MEMO1: variants seen among roughly 807,000 people sequenced by gnomAD.
MEMO1 encodes mediator of cell motility 1.
Under a neutral mutation model 45.2 loss-of-function variants are expected in MEMO1, and 6 were observed. The observed-to-expected ratio is 0.13, with a 90% CI of 0.07 to 0.26. MEMO1 has a LOEUF of 0.26. Ranked by LOEUF, MEMO1 falls within the 10% of genes least tolerant of loss-of-function variation. The probability of loss-of-function intolerance (pLI) is 1.00; values close to 1 mark genes in which losing one functional copy is unlikely to be tolerated. For synonymous variants in MEMO1, 78 were observed against 124.3 expected, an observed-to-expected ratio of 0.63 and a Z score of 2.48; for missense variants, 184 against 370.5, an observed-to-expected ratio of 0.50 and a Z score of 4.13.
intron 2 of MEMO1, among the ~76,000 whole-genome samples, chr2:32,004,108 G>C (rs1345257806): frequency 2.6e-5 from 4 of 152,218 alleles, no homozygotes; most frequent in African/African-American, 9.6e-5. Context: ...TTGAGCCCAA[G>C]AGTTAGAGGC....
intron 2 of MEMO1, chr2:31,963,098 A>G (rs954919768): frequency 2.1e-6 from 3 of 1,411,520 alleles, no homozygotes; most frequent in Non-Finnish European, 2.8e-6. Context: ...GAGTCAACCA[A>G]CCCATCCTCA....
chr2:32,000,695 T>C (rs892184709), intron 2 of MEMO1, among the ~76,000 whole-genome samples: 9 of 152,136 alleles, frequency 5.9e-5, no homozygotes, highest in Non-Finnish European at 1.0e-4. Context: ...CTATTTAATA[T>C]TGCAGCCTGG....
At chr2:31,962,987 G>A (rs1668201105) in intron 2 of MEMO1, among the ~76,000 whole-genome samples, 1 of 152,222 alleles carries the variant, frequency 6.6e-6, no homozygotes, top group Non-Finnish European at 1.5e-5. Flanking sequence ...CCTCCCCCAA[G>A]TAAGACAGAA....
intron 2 of MEMO1, among the ~76,000 whole-genome samples, chr2:31,975,363 C>T (rs1669888249): frequency 6.6e-6 from 1 of 152,150 alleles, no homozygotes; most frequent in Non-Finnish European, 1.5e-5. Context: ...GAAGAAAATT[C>T]TCATCTCCTG....
chr2:31,900,810 G>A (rs937271341), intron 6 of MEMO1, among the ~76,000 whole-genome samples: 63 of 152,072 alleles, frequency 4.1e-4, no homozygotes, highest in African/African-American at 1.5e-3. Context: ...ACAGATATTG[G>A]CCAGGATGTA....
intron 2 of MEMO1, among the ~76,000 whole-genome samples, chr2:32,007,278 A>C (rs1485539778): frequency 6.6e-6 from 1 of 152,110 alleles, no homozygotes; most frequent in Non-Finnish European, 1.5e-5. Context: ...CCCTGCTCCA[A>C]ACCTGTTCAA....
intron 2 of MEMO1, among the ~76,000 whole-genome samples, chr2:31,990,571 C>CATTTTT (rs1349949014): frequency 8.3e-6 from 1 of 119,998 alleles, no homozygotes; most frequent in African/African-American, 3.1e-5. Context: ...AATTTTTTTT[C>CATTTTT]TTTTTTTTTT....
At chr2:31,905,731 T>G (rs954759646) in intron 6 of MEMO1, among the ~76,000 whole-genome samples, 1 of 152,216 alleles carries the variant, frequency 6.6e-6, no homozygotes, top group African/African-American at 2.4e-5. Context: ...CATATTCTCT[T>G]CAATTCATCT....
At chr2:31,872,016 A>AACACACACACACATACACACACACAC (rs1673843525) in intron 8 of MEMO1, among the ~76,000 whole-genome samples, 5 of 143,218 alleles carry the variant, frequency 3.5e-5, no homozygotes, top group African/African-American at 1.3e-4. Context: ...TCTGTCTCAA[A>AACACACACACACATACACACACACAC]ACACACACAC....
intron 7 of MEMO1, among the ~76,000 whole-genome samples, chr2:31,891,438 T>C (rs993943611): frequency 6.6e-6 from 1 of 152,104 alleles, no homozygotes; most frequent in East Asian, 1.9e-4. Context: ...TCAAGAGTCC[T>C]TACCCTTATA....
chr2:32,004,542 G>A (rs1244161971), intron 2 of MEMO1, among the ~76,000 whole-genome samples: 1 of 152,164 alleles, frequency 6.6e-6, no homozygotes, highest in African/African-American at 2.4e-5. Context: ...TAGCAAAGAT[G>A]AGAAGCAACT....
intron 2 of MEMO1, among the ~76,000 whole-genome samples, chr2:31,957,180 C>A (rs1353157809): frequency 6.6e-6 from 1 of 151,114 alleles, no homozygotes; most frequent in Non-Finnish European, 1.5e-5. Flanking sequence ...ACAGTTACTG[C>A]ATCCTGAAAA....
At chr2:31,920,345 T>C (rs10153837) in intron 5 of MEMO1, among the ~76,000 whole-genome samples, 2,041 of 152,272 alleles carry the variant, frequency 0.013, 30 homozygotes, top group South Asian at 0.062. Context: ...CACCTTTCTT[T>C]CAGAGTTTCA....
intron 5 of MEMO1, among the ~76,000 whole-genome samples, chr2:31,920,257 T>A (rs1175392183): frequency 6.6e-6 from 1 of 152,094 alleles, no homozygotes; most frequent in African/African-American, 2.4e-5. Flanking sequence ...AACGTGACTC[T>A]GGACGCCTAT....
At chr2:31,990,233 T>G (rs191377050) in intron 2 of MEMO1, among the ~76,000 whole-genome samples, 2 of 152,334 alleles carry the variant, frequency 1.3e-5, no homozygotes, top group Non-Finnish European at 2.9e-5. Context: ...GTAGCAGATA[T>G]GAGAATCCAG....
At chr2:31,957,059 T>C (rs1026711829) in intron 2 of MEMO1, among the ~76,000 whole-genome samples, 2 of 151,786 alleles carry the variant, frequency 1.3e-5, no homozygotes, top group African/African-American at 2.4e-5. Context: ...GGAGAATCAC[T>C]TGAACCAGGG....
chr2:31,991,486 G>A (rs1199967115), intron 2 of MEMO1, among the ~76,000 whole-genome samples: 1 of 150,850 alleles, frequency 6.6e-6, no homozygotes, highest in Non-Finnish European at 1.5e-5. Flanking sequence ...CAGGAGAATC[G>A]CTTGAACCTG....
At chr2:31,921,109 A>G (rs1682258737) in intron 4 of MEMO1, among the ~76,000 whole-genome samples, 199 bp from the exon 5 acceptor site, 4 of 152,216 alleles carry the variant, frequency 2.6e-5, no homozygotes, top group Admixed American at 2.6e-4. Context: ...AGTGCTATTT[A>G]GAGATAAGGT....
At chr2:32,007,653 G>A (rs575425201) in intron 2 of MEMO1, among the ~76,000 whole-genome samples, 6 of 152,216 alleles carry the variant, frequency 3.9e-5, no homozygotes, top group Non-Finnish European at 5.9e-5. Context: ...GAATGCTGTA[G>A]GAACCACAGA....
Sources: allele counts gnomAD v4.1 joint callset (sites outside exome capture counted in the v4.1 genomes callset), GRCh38; gene constraint gnomAD v4.1.1; transcripts MANE v1.5; gene names NCBI Gene and HGNC (gene_info 2026-07-23, HGNC 2026-07-21).